The following MAGI2 variants were observed in gnomAD, a reference collection of about 807,000 sequenced individuals.
MAGI2 encodes membrane associated guanylate kinase, WW and PDZ domain containing 2, also known as membrane-associated guanylate kinase, WW and PDZ domain-containing protein 2.
MAGI2 carries 35 observed loss-of-function variants against 133.3 expected under a neutral mutation model. The ratio of observed to expected loss-of-function variants is 0.26; its 90% confidence interval spans 0.20 to 0.35. MAGI2 has a LOEUF of 0.35. MAGI2 is among the 10% of genes least tolerant of loss of function. The pLI, the probability that MAGI2 is intolerant of heterozygous loss-of-function variation, is 1.00. For synonymous variants in MAGI2, 729 were observed against 710.6 expected, an observed-to-expected ratio of 1.03 and a Z score of -0.41; for missense variants, 1,636 against 1,863.4, an observed-to-expected ratio of 0.88 and a Z score of 2.25.
At chr7:79,395,465 G>A (rs1844979320) in intron 1 of MAGI2, among the ~76,000 whole-genome samples, 1 of 152,148 alleles carries the variant, frequency 6.6e-6, no homozygotes, top group Non-Finnish European at 1.5e-5. Flanking sequence ...TGATATAAGA[G>A]GAACAGAAGC....
chr7:79,169,717 G>A lies in MAGI2; in HGVS notation c.302-162511C>T, dbSNP rs1353453281. Among the ~76,000 whole-genome samples the A allele has an allele frequency of 2.0e-5, 3 of 152,156 alleles. No homozygotes were observed. In the South Asian group the frequency reaches 6.2e-4, roughly 32 times the overall value. ...TAGTTTATCAAAGAATCATATAGCA[G>A]TTTACTGAACTTACAATTAAATTTT... On this transcript the variant is annotated intron_variant, in intron 1 of 21. Transcript: ENST00000354212.
chr7:78,985,711 G>A (rs1188433218), intron 2 of MAGI2, among the ~76,000 whole-genome samples: 2 of 152,056 alleles, frequency 1.3e-5, no homozygotes, highest in African/African-American at 4.8e-5. Flanking sequence ...ACCGTACACT[G>A]GAGTGGCTTT....
intron 4 of MAGI2, among the ~76,000 whole-genome samples, chr7:78,514,600 C>T (rs1038254024): frequency 3.3e-5 from 5 of 152,152 alleles, no homozygotes; most frequent in South Asian, 2.1e-4. Context: ...ATACACAAAT[C>T]GCAGTCTCTG....
At chr7:78,335,261 G>A (rs939098456) in intron 9 of MAGI2, among the ~76,000 whole-genome samples, 10 of 152,160 alleles carry the variant, frequency 6.6e-5, no homozygotes, top group Admixed American at 2.0e-4. Flanking sequence ...CTAGGGATTC[G>A]GAAACATCTG....
intron 1 of MAGI2, among the ~76,000 whole-genome samples, chr7:79,311,971 C>A (rs1192418306): frequency 6.6e-6 from 1 of 152,126 alleles, no homozygotes; most frequent in Non-Finnish European, 1.5e-5. Flanking sequence ...CCTCTTACTG[C>A]CTCTATTGCT....
intron 9 of MAGI2, among the ~76,000 whole-genome samples, chr7:78,312,095 A>C (rs1356080317): frequency 6.6e-6 from 1 of 152,162 alleles, no homozygotes; most frequent in East Asian, 1.9e-4. Context: ...TTAAAGGAAC[A>C]GAAGGGACCT....
intron 6 of MAGI2, among the ~76,000 whole-genome samples, chr7:78,441,775 G>A (rs1787660203): frequency 2.0e-5 from 3 of 152,174 alleles, no homozygotes; most frequent in Admixed American, 2.0e-4. Context: ...GAGGTCTGGG[G>A]AGAAGGAAGT....
chr7:78,821,871 A>T (rs773403359), intron 2 of MAGI2, among the ~76,000 whole-genome samples: 2 of 152,014 alleles, frequency 1.3e-5, no homozygotes, highest in African/African-American at 2.4e-5. Context: ...TTTTTCATAA[A>T]AGAAAGGCAA....
chr7:78,173,156 G>A (rs1826270246), intron 14 of MAGI2, among the ~76,000 whole-genome samples: 2 of 152,180 alleles, frequency 1.3e-5, no homozygotes. Flanking sequence ...AAAGGATTCA[G>A]GAATGCAAAG....
intron 6 of MAGI2, among the ~76,000 whole-genome samples, chr7:78,432,532 T>G (rs559226753): frequency 6.7e-6 from 1 of 149,994 alleles, no homozygotes; most frequent in African/African-American, 2.4e-5. Flanking sequence ...CGTTGTTGAT[T>G]TGTGTGATAA....
chr7:79,180,426 A>C (rs1826506774), intron 1 of MAGI2, among the ~76,000 whole-genome samples: 1 of 152,028 alleles, frequency 6.6e-6, no homozygotes, highest in African/African-American at 2.4e-5. Context: ...TCTTATGTGG[A>C]TGGCAGCAGG....
chr7:79,149,387 T>G (rs192845908), intron 1 of MAGI2, among the ~76,000 whole-genome samples: 1 of 151,892 alleles, frequency 6.6e-6, no homozygotes, highest in Admixed American at 6.6e-5. Context: ...ATAACATGAT[T>G]TTGGATGCGT....
chr7:78,447,603 G>A (rs1293537248), intron 6 of MAGI2, among the ~76,000 whole-genome samples: 2 of 152,072 alleles, frequency 1.3e-5, no homozygotes, highest in Non-Finnish European at 2.9e-5. Flanking sequence ...CAAGTGAAGT[G>A]ACATTTGGGC....
chr7:78,126,741 G>A (rs528254149), intron 19 of MAGI2, among the ~76,000 whole-genome samples: 1 of 152,338 alleles, frequency 6.6e-6, no homozygotes, highest in Admixed American at 6.5e-5. Context: ...TTATTCTTAC[G>A]CACAGGGGCT....
intron 6 of MAGI2, among the ~76,000 whole-genome samples, chr7:78,438,246 T>C (rs1787245185): frequency 6.7e-6 from 1 of 148,182 alleles, no homozygotes; most frequent in South Asian, 2.2e-4. Flanking sequence ...AGCTTAGTCA[T>C]ATAAAAGTGA....
At chr7:78,661,094 T>C (rs892092412) in intron 2 of MAGI2, among the ~76,000 whole-genome samples, 1 of 152,132 alleles carries the variant, frequency 6.6e-6, no homozygotes, top group East Asian at 1.9e-4. Flanking sequence ...GCAACAACAA[T>C]GGCATTTGTG....
intron 1 of MAGI2, among the ~76,000 whole-genome samples, chr7:79,240,909 G>C (rs981651705): frequency 6.6e-6 from 1 of 151,906 alleles, no homozygotes; most frequent in African/African-American, 2.4e-5. Flanking sequence ...GTAACGGCTG[G>C]GCACATCTTA....
At chr7:78,575,242 C>G (rs1364758259) in intron 3 of MAGI2, among the ~76,000 whole-genome samples, 1 of 151,764 alleles carries the variant, frequency 6.6e-6, no homozygotes, top group Non-Finnish European at 1.5e-5. Context: ...AACTAGCAAC[C>G]AAAAAATAAT....
chr7:78,742,092 G>T (rs771037079), intron 2 of MAGI2, among the ~76,000 whole-genome samples: 3 of 151,686 alleles, frequency 2.0e-5, no homozygotes, highest in Non-Finnish European at 4.4e-5. Context: ...GTAGAAAATT[G>T]GAACTTTTTT....
Sources: gnomAD v4.1 joint callset for allele counts (sites outside exome capture counted in the v4.1 genomes callset) on GRCh38, gnomAD v4.1.1 for gene constraint, MANE v1.5 for transcripts, NCBI Gene and HGNC (gene_info 2026-07-23, HGNC 2026-07-21) for gene names.